The following DSCAML1 variants were observed in gnomAD, a reference collection of about 807,000 sequenced individuals.
The protein encoded by DSCAML1 is cell adhesion molecule DSCAML1.
Under a neutral mutation model 200.5 loss-of-function variants are expected in DSCAML1, and 38 were observed. The observed-to-expected ratio is 0.19, with a 90% confidence interval of 0.15 to 0.25. The LOEUF (loss-of-function observed/expected upper bound fraction) is 0.25. Among genes scored for constraint, DSCAML1 ranks in the 10% least tolerant of loss-of-function variants. The probability of loss-of-function intolerance (pLI) is 1.00; values close to 1 mark genes in which losing one functional copy is unlikely to be tolerated. For synonymous variants in DSCAML1, 1,215 were observed against 1,165.0 expected (o/e 1.04, Z -0.87); for missense variants, 2,223 against 2,858.8 (o/e 0.78, Z 5.07).
rs565075588 is a variant in DSCAML1 at position 117,544,447 on chromosome 11, C to T, written c.512-11925G>A. ...AGGGTGATGGATACTTCCTGGCTGG[C>T]GGGAATTAGCTCCTGCCTGGGGGCC... On this transcript the variant is annotated intron_variant, in intron 3 of 32. Transcript: ENST00000651296. Among the ~76,000 whole-genome samples the T allele has an allele frequency of 1.2e-4, 18 of 152,252 alleles. No individual in the cohort carries two copies. In the East Asian group the frequency reaches 2.1e-3, roughly 18 times the overall value.
At chr11:117,580,516 T>C (rs2051019779) in intron 3 of DSCAML1, among the ~76,000 whole-genome samples, 3 of 152,216 alleles carry the variant, frequency 2.0e-5, no homozygotes, top group African/African-American at 7.2e-5. Context: ...TTTTGTGATA[T>C]GTAAATGAGA....
chr11:117,485,018 G>T (rs1322625013), intron 11 of DSCAML1, among the ~76,000 whole-genome samples: 2 of 151,696 alleles, frequency 1.3e-5, no homozygotes, highest in East Asian at 3.9e-4. Context: ...TGTTCTCCAG[G>T]CAGGCCTGCA....
intron 3 of DSCAML1, among the ~76,000 whole-genome samples, chr11:117,655,074 C>A (rs1283810280): frequency 6.6e-6 from 1 of 152,276 alleles, no homozygotes. Context: ...CAGCCCAAAG[C>A]TGAGCCATGG....
At chr11:117,481,801 T>A (rs2048927330) in intron 12 of DSCAML1, among the ~76,000 whole-genome samples, 162 bp downstream of exon 12, 2 of 150,346 alleles carry the variant, frequency 1.3e-5, no homozygotes, top group Non-Finnish European at 3.0e-5. Flanking sequence ...CACAGATTCC[T>A]GGATGGAGAG....
intron 8 of DSCAML1, among the ~76,000 whole-genome samples, chr11:117,511,882 A>C (rs533787772): frequency 1.2e-4 from 19 of 152,370 alleles, no homozygotes; most frequent in African/African-American, 4.6e-4. Flanking sequence ...CTGCACGTGC[A>C]TGCAATACGT....
intron 3 of DSCAML1, among the ~76,000 whole-genome samples, chr11:117,637,792 T>C (rs944737689): frequency 6.6e-6 from 1 of 152,210 alleles, no homozygotes; most frequent in African/African-American, 2.4e-5. Flanking sequence ...TGTCAAGATA[T>C]GGCTTCCCCC....
intron 19 of DSCAML1, among the ~76,000 whole-genome samples, chr11:117,455,406 G>T (rs1476290250): frequency 6.6e-6 from 1 of 152,140 alleles, no homozygotes; most frequent in Non-Finnish European, 1.5e-5. Context: ...GTCTAGTCAT[G>T]CCTCTTCCTC....
chr11:117,582,113 G>A (rs2051049971), intron 3 of DSCAML1, among the ~76,000 whole-genome samples: 1 of 152,142 alleles, frequency 6.6e-6, no homozygotes, highest in Admixed American at 6.5e-5. Context: ...AGGGTATCTG[G>A]GACTCGCAGA....
At chr11:117,631,428 C>T (rs2052171438) in intron 3 of DSCAML1, among the ~76,000 whole-genome samples, 1 of 152,214 alleles carries the variant, frequency 6.6e-6, no homozygotes, top group South Asian at 2.1e-4. Context: ...GCTGCAGGCT[C>T]CAGCCAATGT....
At chr11:117,748,210 C>T (rs993152952) in intron 3 of DSCAML1, among the ~76,000 whole-genome samples, 5 of 152,212 alleles carry the variant, frequency 3.3e-5, no homozygotes, top group African/African-American at 1.2e-4. Flanking sequence ...AGGCACTCAA[C>T]AAATGGTAAC....
At chr11:117,677,124 G>A (rs1288830762) in intron 3 of DSCAML1, among the ~76,000 whole-genome samples, 1 of 152,184 alleles carries the variant, frequency 6.6e-6, no homozygotes, top group Non-Finnish European at 1.5e-5. Flanking sequence ...TTTTGGCTCT[G>A]ATATCCTCAA....
At chr11:117,763,125 G>A (rs1230998097) in intron 3 of DSCAML1, among the ~76,000 whole-genome samples, 1 of 152,124 alleles carries the variant, frequency 6.6e-6, no homozygotes, top group Non-Finnish European at 1.5e-5. Flanking sequence ...AGGGGCACAG[G>A]AGTAAGACAG....
chr11:117,645,542 C>G (rs1006033434), intron 3 of DSCAML1, among the ~76,000 whole-genome samples: 2 of 151,936 alleles, frequency 1.3e-5, no homozygotes, highest in Admixed American at 1.3e-4. Flanking sequence ...AAATGTGGCA[C>G]ATATACACCA....
At chr11:117,459,961 G>C (rs2048447073) in intron 18 of DSCAML1, among the ~76,000 whole-genome samples, 1 of 152,258 alleles carries the variant, frequency 6.6e-6, no homozygotes, top group Admixed American at 6.5e-5. Flanking sequence ...TCGGAGGTCA[G>C]AGCAGCAGGG....
At chr11:117,813,311 T>A (rs1479445125) in intron 1 of DSCAML1, among the ~76,000 whole-genome samples, 2 of 152,204 alleles carry the variant, frequency 1.3e-5, no homozygotes, top group African/African-American at 4.8e-5. Flanking sequence ...CAACTTCGAC[T>A]GTGCCCCAAA....
intron 2 of DSCAML1, among the ~76,000 whole-genome samples, chr11:117,777,398 A>G (rs2055146824): frequency 6.6e-6 from 1 of 152,166 alleles, no homozygotes; most frequent in African/African-American, 2.4e-5. Flanking sequence ...CAGGGTGGCA[A>G]TTATTTTGGA....
At chr11:117,439,489 C>CT (rs769597130) in intron 22 of DSCAML1, 60 bp from the exon 23 acceptor site, 26 of 1,569,990 alleles carry the variant, frequency 1.7e-5, no homozygotes, top group Non-Finnish European at 2.2e-5. Context: ...TCCTGAGGCC[C>CT]TCCCCCCGGT....
Position 117,630,658 on chromosome 11 carries a change from C to CCAAA in DSCAML1, c.512-98137_512-98136insTTTG, listed in dbSNP as rs372432882. On this transcript the variant is annotated intron_variant, in intron 3 of 32. Coordinates refer to ENST00000651296, the MANE Select transcript of DSCAML1 (RefSeq NM_020693.4). Reference sequence around the variant, plus strand: ...TTTGGAAACTGAGGCATAAAGTGGCCAAAAAAAAAAAAAAAAAAAAAAAAA... The same window carrying CCAAA: ...TTTGGAAACTGAGGCATAAAGTGGCCCAAAAAAAAAAAAAAAAAAAAAAAAAAAA... Among the ~76,000 whole-genome samples, 70 of 45,586 alleles carry CCAAA rather than the reference C, an allele frequency of 1.5e-3. 10 individuals are homozygous for CCAAA. The highest frequency in any genetic ancestry group is 5.3e-3 in the African/African-American group (69 of 12,970). 29.9% of individuals were successfully genotyped at this position (45,586 alleles called of 152,430 possible).
intron 3 of DSCAML1, among the ~76,000 whole-genome samples, chr11:117,663,042 G>A (rs553681595): frequency 6.6e-6 from 1 of 152,286 alleles, no homozygotes; most frequent in Admixed American, 6.5e-5. Context: ...CCCGGAGATG[G>A]GGAAGGACTC....
Sources: gnomAD v4.1 joint callset for allele counts (sites outside exome capture counted in the v4.1 genomes callset) on GRCh38, gnomAD v4.1.1 for gene constraint, MANE v1.5 for transcripts, NCBI Gene and HGNC (gene_info 2026-07-23, HGNC 2026-07-21) for gene names.